GALNT7: variants seen among roughly 807,000 people sequenced by gnomAD.
GALNT7 encodes polypeptide N-acetylgalactosaminyltransferase 7, also known as N-acetylgalactosaminyltransferase 7.
Under a neutral mutation model 82.1 loss-of-function variants are expected in GALNT7, and 60 were observed. That is an observed-to-expected ratio of 0.73 (90% CI 0.59 to 0.91). The LOEUF is 0.91. Among genes scored for constraint, GALNT7 ranks in the 40% least tolerant of loss-of-function variants. GALNT7 has a pLI of 0.00. For missense variants in GALNT7, 660 were observed against 804.2 expected, an observed-to-expected ratio of 0.82 and a Z score of 2.17; for synonymous variants, 243 against 275.1, an observed-to-expected ratio of 0.88 and a Z score of 1.15.
chr4:173,314,555 T>G (rs967323070), intron 9 of GALNT7, among the ~76,000 whole-genome samples: 1 of 152,188 alleles, frequency 6.6e-6, no homozygotes, highest in Non-Finnish European at 1.5e-5. Context: ...AAAGATGCAG[T>G]TCTATGTTCT....
intron 1 of GALNT7, among the ~76,000 whole-genome samples, chr4:173,235,756 G>A (rs1579939966): frequency 6.6e-6 from 1 of 152,052 alleles, no homozygotes; most frequent in African/African-American, 2.4e-5. Context: ...GAGTTTCACT[G>A]TGTTAGCCAG....
chr4:173,287,606 G>A (rs902340590), intron 2 of GALNT7, among the ~76,000 whole-genome samples: 4 of 152,198 alleles, frequency 2.6e-5, no homozygotes, highest in Non-Finnish European at 4.4e-5. Flanking sequence ...CCTTCCTCCC[G>A]TCCTTTGGGT....
intron 1 of GALNT7, among the ~76,000 whole-genome samples, chr4:173,222,236 T>C (rs572230503): frequency 2.0e-5 from 3 of 152,136 alleles, no homozygotes; most frequent in Admixed American, 6.5e-5. Context: ...TTATGCTTGG[T>C]ATTGGTTTGT....
intron 1 of GALNT7, among the ~76,000 whole-genome samples, chr4:173,183,474 CTTAA>C (rs1231533163): frequency 1.3e-5 from 2 of 149,920 alleles, no homozygotes; most frequent in East Asian, 3.9e-4. Context: ...TTGACGTGGG[CTTAA>C]TTTTTTTTTT....
chr4:173,249,097 C>A (rs1315281040), intron 2 of GALNT7, among the ~76,000 whole-genome samples: 1 of 152,166 alleles, frequency 6.6e-6, no homozygotes, highest in African/African-American at 2.4e-5. Context: ...ATAGTGATTA[C>A]TGAATGAACT....
At chr4:173,300,187 C>T (rs1040580662) in intron 6 of GALNT7, among the ~76,000 whole-genome samples, 13 of 151,902 alleles carry the variant, frequency 8.6e-5, no homozygotes, top group Non-Finnish European at 1.8e-4. Context: ...CATAAATAAC[C>T]CTAAAATTAG....
At chr4:173,321,015 G>A (rs556766662) in intron 11 of GALNT7, among the ~76,000 whole-genome samples, 4 of 152,268 alleles carry the variant, frequency 2.6e-5, no homozygotes, top group Admixed American at 2.6e-4. Context: ...AAAGGCAATG[G>A]TGTCTTCGTA....
rs965312952 is a variant in GALNT7 at position 173,288,036 on chromosome 4, C to A, written c.588-4072C>A. Among the ~76,000 whole-genome samples, 5 of 151,998 alleles carry A rather than the reference C, an allele frequency of 3.3e-5. No homozygotes were observed. The South Asian group carries it at 1.0e-3, about 32-fold the overall frequency. ...CGGTGGCTCACGCCTGTAATCCCAG[C>A]ACTTTGGGAGGCCGAGGCGGGCGGA... is the stretch of plus-strand genomic sequence containing the variant. On this transcript the variant is annotated intron_variant, in intron 2 of 11. Coordinates refer to ENST00000265000, the MANE Select transcript of GALNT7 (RefSeq NM_017423.3).
intron 8 of GALNT7, among the ~76,000 whole-genome samples, chr4:173,309,250 T>C (rs1737286240): frequency 6.6e-6 from 1 of 152,236 alleles, no homozygotes; most frequent in Non-Finnish European, 1.5e-5. Flanking sequence ...TTCTAGTTCC[T>C]TCTATTGATT....
chr4:173,307,769 G>A (rs1737213521), intron 8 of GALNT7, among the ~76,000 whole-genome samples: 2 of 152,214 alleles, frequency 1.3e-5, no homozygotes, highest in South Asian at 4.1e-4. Flanking sequence ...AGAGCCTGGG[G>A]CTGCAATGTG....
chr4:173,183,717 CGG>C (rs1732354782), intron 1 of GALNT7, among the ~76,000 whole-genome samples: 1 of 150,692 alleles, frequency 6.6e-6, no homozygotes, highest in Non-Finnish European at 1.5e-5. Flanking sequence ...ACCTCCCAGA[CGG>C]GGCGGCGGCC....
intron 2 of GALNT7, among the ~76,000 whole-genome samples, chr4:173,249,643 T>C (rs1331857638): frequency 1.3e-5 from 2 of 152,212 alleles, no homozygotes; most frequent in Non-Finnish European, 2.9e-5. Context: ...AAATACAAGA[T>C]GCCCAATTAA....
intron 8 of GALNT7, 25 bp from the exon 9 acceptor site, chr4:173,313,932 TA>T (rs1561201202): frequency 9.9e-7 from 1 of 1,012,258 alleles, no homozygotes; most frequent in Non-Finnish European, 1.5e-6. Context: ...TATAACGATA[TA>T]TATATATATA....
Position 173,259,529 on chromosome 4 carries a change from C to T in GALNT7, c.587+11089C>T, listed in dbSNP as rs542029994. Reference sequence around the variant, plus strand: ...TTGGCCAGTTGGTGGCCACTGAGGGCGTTTCAGAATTTGGTGTATATTTGT... The same window carrying T: ...TTGGCCAGTTGGTGGCCACTGAGGGTGTTTCAGAATTTGGTGTATATTTGT... On this transcript the variant is annotated intron_variant, in intron 2 of 11. Transcript: ENST00000265000. 6.6e-5 allele frequency among the ~76,000 whole-genome samples: 10 copies of T among 151,916 alleles called. No homozygotes were observed. The South Asian group carries it at 1.7e-3, about 25-fold the overall frequency.
At chr4:173,228,692 C>A (rs1448172813) in intron 1 of GALNT7, among the ~76,000 whole-genome samples, 1 of 152,072 alleles carries the variant, frequency 6.6e-6, no homozygotes, top group Non-Finnish European at 1.5e-5. Flanking sequence ...ACAAAAAAAA[C>A]TCTACCAACA....
intron 1 of GALNT7, among the ~76,000 whole-genome samples, chr4:173,240,318 C>T (rs1222855700): frequency 1.3e-5 from 2 of 149,156 alleles, no homozygotes; most frequent in African/African-American, 5.0e-5. Context: ...AATGTATCTA[C>T]TTGAAATAGA....
At chr4:173,232,641 G>T (rs1293490322) in intron 1 of GALNT7, among the ~76,000 whole-genome samples, 1 of 152,058 alleles carries the variant, frequency 6.6e-6, no homozygotes, top group Non-Finnish European at 1.5e-5. Flanking sequence ...TCTCTATGCT[G>T]CCGAGGCATG....
At chr4:173,252,597 A>G (rs1734888162) in intron 2 of GALNT7, among the ~76,000 whole-genome samples, 1 of 152,218 alleles carries the variant, frequency 6.6e-6, no homozygotes, top group South Asian at 2.1e-4. Context: ...ATTGCGTGTT[A>G]AAAGGGTGAG....
intron 2 of GALNT7, among the ~76,000 whole-genome samples, chr4:173,266,524 G>T (rs536152949): frequency 2.0e-5 from 3 of 152,218 alleles, no homozygotes; most frequent in Admixed American, 2.0e-4. Context: ...ATACATTTGT[G>T]AAACATTTTA....
Sources: gnomAD v4.1 joint callset for allele counts (sites outside exome capture counted in the v4.1 genomes callset) on GRCh38, gnomAD v4.1.1 for gene constraint, MANE v1.5 for transcripts, NCBI Gene and HGNC (gene_info 2026-07-23, HGNC 2026-07-21) for gene names.